Variants in NPY5R observed in about 807,000 individuals in gnomAD.
The protein encoded by NPY5R is neuropeptide Y receptor type 5.
In NPY5R, 21 loss-of-function variants were observed where a neutral mutation model predicts 24.8. That is an observed-to-expected ratio of 0.85 (90% CI 0.60 to 1.22). NPY5R has a LOEUF of 1.22. Among genes scored for constraint, NPY5R ranks in the 50% most tolerant of loss-of-function variants. The pLI is 0.00. For missense variants in NPY5R, 481 were observed against 521.3 expected, an observed-to-expected ratio of 0.92 and a Z score of 0.75; for synonymous variants, 175 against 183.0, an observed-to-expected ratio of 0.96 and a Z score of 0.35.
Position 163,351,037 on chromosome 4 carries a change from T to C in NPY5R, c.764T>C (p.Ile255Thr). 6.2e-7 allele frequency: 1 copy of C among 1,614,076 alleles called. No individual in the cohort carries two copies. Residue 255 changes from isoleucine to threonine, a missense_variant, in exon 4 of 4, where the codon ATC (isoleucine) becomes ACC (threonine). Transcript: ENST00000338566. ...KENRLEENEM[I>T]NLTLHPSKKS... ...AACAGACTTGAAGAAAATGAGATGA[T>C]CAACTTAACTCTTCATCCATCCAAA...
chr4:163,349,352 GT>G, intron 3 of NPY5R: 1 of 975,092 alleles, frequency 1.0e-6, no homozygotes, highest in Admixed American at 6.1e-5. Context: ...GTAAGAGATA[GT>G]TTCTGCTTTT....
intron 3 of NPY5R, 113 bp from the exon 4 acceptor site, chr4:163,350,152 A>T: frequency 1.6e-6 from 1 of 610,618 alleles, no homozygotes; most frequent in Non-Finnish European, 2.7e-6. Context: ...TTAGGAGATT[A>T]ATAAGGTCAC....
rs1450669111 is a variant in NPY5R, at chr4:163,351,036, A to T, written c.763A>T (p.Ile255Phe). ...AAACAGACTTGAAGAAAATGAGATG[A>T]TCAACTTAACTCTTCATCCATCCAA... ...KENRLEENEM[I>F]NLTLHPSKKS... The change falls in exon 4 of 4, where the codon ATC (isoleucine) becomes TTC (phenylalanine). Residue 255 changes from isoleucine to phenylalanine, a missense_variant. Ile to Phe is a conservative substitution (Grantham distance 21, BLOSUM62 0). Transcript: ENST00000338566. 2 of 1,614,028 alleles carry T rather than the reference A, an allele frequency of 1.2e-6. No homozygotes were observed. The highest frequency in any genetic ancestry group is 1.7e-6 in the Non-Finnish European group (2 of 1,180,006).
At chr4:163,350,070 C>G (rs1481027555) in intron 3 of NPY5R, 195 bp from the exon 4 acceptor site, 1 of 337,040 alleles carries the variant, frequency 3.0e-6, no homozygotes, top group Middle Eastern at 8.3e-4. Flanking sequence ...CGCCACTGCA[C>G]TCCAGCCTGG....
rs1236328692 is a variant in NPY5R at position 163,350,681 on chromosome 4, C to T, written c.408C>T (p.Ala136=). 1 of 1,613,722 alleles carries T rather than the reference C, an allele frequency of 6.2e-7. No individual in the cohort carries two copies. Among genetic ancestry groups the T allele is most frequent in the African/African-American group, 1.3e-5 (1 of 74,916 alleles). The change falls in exon 4 of 4, where the codon GCC becomes GCT. Residue 136 remains alanine (A), a synonymous_variant. Transcript: ENST00000338566. ...LVSTLILISI[A]IVRYHMIKHP... ...CAACTTTAATTTTAATATCAATTGC[C>T]ATTGTCAGGTATCATATGATAAAAC... is the stretch of plus-strand genomic sequence containing the variant.
At chr4:163,346,591 C>T (rs148628201) in intron 2 of NPY5R, among the ~76,000 whole-genome samples, 1 of 152,224 alleles carries the variant, frequency 6.6e-6, no homozygotes, top group East Asian at 1.9e-4. Context: ...TCTTAAAATA[C>T]TCAAATGTTT....
chr4:163,344,897 T>G (rs902728387), intron 1 of NPY5R: 1 of 152,184 alleles, frequency 6.6e-6, no homozygotes, highest in African/African-American at 2.4e-5. Flanking sequence ...GGGAGGGTGG[T>G]GCATGCCTGT....
intron 1 of NPY5R, chr4:163,345,199 T>C (rs1429325686): frequency 6.6e-6 from 1 of 152,218 alleles, no homozygotes; most frequent in Non-Finnish European, 1.5e-5. Context: ...AAGTCAGACT[T>C]TTAATATCCT....
chr4:163,346,089 G>A (rs915573475), intron 2 of NPY5R, among the ~76,000 whole-genome samples: 1 of 152,130 alleles, frequency 6.6e-6, no homozygotes, highest in Non-Finnish European at 1.5e-5. Context: ...ATGGTGTGGG[G>A]TGGGGCTAGA....
rs544673874 is a variant in NPY5R at position 163,347,298 on chromosome 4, C to A, written c.-80-154C>A. Among the ~76,000 whole-genome samples the A allele has an allele frequency of 5.5e-4, 83 of 152,290 alleles. 3 individuals are homozygous for A. The South Asian group carries it at 0.017, about 30-fold the overall frequency. ...TTTTAGACTCAAAACTACATTGTTT[C>A]TATTACCACAAATTGTGCTGCATCT... On this transcript the variant is annotated intron_variant, in intron 2 of 3. Coordinates refer to ENST00000338566, the MANE Select transcript of NPY5R (RefSeq NM_006174.4).
In NPY5R at chr4:163,351,056, A is replaced by G; in HGVS notation, c.783A>G (p.Pro261=). The G allele has an allele frequency of 6.2e-7, 1 of 1,614,190 alleles. No homozygotes were observed. The highest frequency in any genetic ancestry group is 1.3e-5 in the African/African-American group (1 of 75,072). Residue 261 remains proline, a synonymous_variant, in exon 4 of 4, where the codon CCA becomes CCG. Transcript: ENST00000338566. ...ENEMINLTLH[P]SKKSGPQVKL... is the part of the protein sequence containing the mutation. ...AGATGATCAACTTAACTCTTCATCC[A>G]TCCAAAAAGAGTGGGCCTCAGGTGA...
intron 2 of NPY5R, among the ~76,000 whole-genome samples, chr4:163,346,066 G>GT (rs1735236476): frequency 6.6e-6 from 1 of 152,036 alleles, no homozygotes; most frequent in Non-Finnish European, 1.5e-5. Flanking sequence ...ATGTGTGTAT[G>GT]TTTATGTGGT....
At chr4:163,346,814 T>C (rs986228638) in intron 2 of NPY5R, among the ~76,000 whole-genome samples, 4 of 152,214 alleles carry the variant, frequency 2.6e-5, no homozygotes, top group Admixed American at 6.5e-5. Flanking sequence ...TTTTTAAATG[T>C]TGTAAATATA....
rs11946004 is a variant in NPY5R, at chr4:163,351,551, G to T, written c.1278G>T (p.Gly426=). The T allele has an allele frequency of 2.5e-6, 4 of 1,608,932 alleles. No homozygotes were observed. Among genetic ancestry groups the T allele is most frequent in the Middle Eastern group, 1.7e-4 (1 of 6,044 alleles). ...GTTGTCTTAATCCAATTCTATATGG[G>T]TTTCTTAATAATGGGATTAAAGCTG... ...MSCCLNPILY[G]FLNNGIKADL... Residue 426 remains glycine (G), a synonymous_variant, in exon 4 of 4, where the codon GGG becomes GGT. Coordinates refer to ENST00000338566, the MANE Select transcript of NPY5R (RefSeq NM_006174.4).
At chr4:163,345,485 G>A (rs1218154539) in intron 1 of NPY5R, 1 of 152,122 alleles carries the variant, frequency 6.6e-6, no homozygotes, top group African/African-American at 2.4e-5. Context: ...AAAAGAGAAT[G>A]AGTAAATATA....
intron 1 of NPY5R, 119 bp from the exon 2 acceptor site, chr4:163,345,593 ATT>A (rs1735200166): frequency 6.6e-6 from 1 of 152,182 alleles, no homozygotes; most frequent in South Asian, 2.1e-4. Context: ...ATATTTCATA[ATT>A]TATATAGCAA....
rs1735500402 is a variant in NPY5R at position 163,351,547 on chromosome 4, A to G, written c.1274A>G (p.Tyr425Cys). ...TCCTGTTGTCTTAATCCAATTCTAT[A>G]TGGGTTTCTTAATAATGGGATTAAA... is the stretch of plus-strand genomic sequence containing the variant. ...MMSCCLNPIL[Y>C]GFLNNGIKAD... Residue 425 changes from tyrosine to cysteine, a missense_variant, in exon 4 of 4, where the codon TAT becomes TGT. By Grantham distance (194) the Tyr-to-Cys change is radical. Transcript: ENST00000338566. 1.2e-6 allele frequency: 2 copies of G among 1,609,454 alleles called. No homozygotes were observed. Among genetic ancestry groups the G allele is most frequent in the East Asian group, 2.2e-5 (1 of 44,840 alleles).
intron 3 of NPY5R, among the ~76,000 whole-genome samples, chr4:163,347,753 T>TA (rs1208086275): frequency 6.6e-6 from 1 of 152,172 alleles, no homozygotes; most frequent in East Asian, 1.9e-4. Flanking sequence ...TATGATTCAG[T>TA]AGGTCATGCG....
chr4:163,349,244 A>C, intron 3 of NPY5R: 4 of 441,956 alleles, frequency 9.1e-6, no homozygotes, highest in Non-Finnish European at 9.0e-6. Context: ...ATTTGTTACT[A>C]GAGTTTTGTT....
Sources: gnomAD v4.1 joint callset for allele counts (sites outside exome capture counted in the v4.1 genomes callset) on GRCh38, gnomAD v4.1.1 for gene constraint, MANE v1.5 for transcripts, NCBI Gene and HGNC (gene_info 2026-07-23, HGNC 2026-07-21) for gene names.